TCP11: variants seen among roughly 807,000 people sequenced by gnomAD.
TCP11 encodes the protein t-complex 11, also known as T-complex protein 11 homolog.
In TCP11, 34 loss-of-function variants were observed where a neutral mutation model predicts 45.0. That is an observed-to-expected ratio of 0.76 (90% CI 0.57 to 1.01). The LOEUF is 1.01. Ranked by LOEUF, TCP11 falls within the 50% of genes least tolerant of loss-of-function variation. TCP11 has a pLI of 0.00. For synonymous variants in TCP11, 227 were observed against 227.0 expected (o/e 1.00, Z 0.00); for missense variants, 523 against 598.1 (o/e 0.87, Z 1.31).
intron 4 of TCP11, among the ~76,000 whole-genome samples, chr6:35,125,183 C>CAAAA (rs35594738): frequency 1.4e-5 from 1 of 71,032 alleles, no homozygotes; most frequent in African/African-American, 5.6e-5. Flanking sequence ...GACTCTGTCT[C>CAAAA]AAAAAAAAAA....
In TCP11 at chr6:35,120,055, C is replaced by A; in HGVS notation, c.1115+104G>T. ...AATCTTTGTAGATGGTTCCACAGGG[C>A]CTTTCTGTGGTTTGTGGTAGACAGT... On this transcript the variant is annotated intron_variant, in intron 8 of 9. Transcript: ENST00000311875. This position sits in a 1 kb window ranked among gnomAD's most constrained non-coding sequence, Gnocchi z 4.9. 7.3e-7 allele frequency: 1 copy of A among 1,377,750 alleles called. No individual in the cohort carries two copies. Among genetic ancestry groups the A allele is most frequent in the African/African-American group, 1.4e-5 (1 of 69,124 alleles). 85.3% of individuals were successfully genotyped at this position (1,377,750 alleles called of 1,614,324 possible). A position where few individuals can be genotyped will look rare whatever the true frequency, so the allele number is the denominator to read the frequency against.
At chr6:35,140,272 T>A in intron 2 of TCP11, 1 of 1,411,194 alleles carries the variant, frequency 7.1e-7, no homozygotes, top group Non-Finnish European at 9.6e-7. Context: ...AGACTGGACC[T>A]ACCACGAAGC....
At chr6:35,124,458 T>C (rs1779609766) in intron 4 of TCP11, among the ~76,000 whole-genome samples, 1 of 152,212 alleles carries the variant, frequency 6.6e-6, no homozygotes, top group Admixed American at 6.5e-5. Context: ...AGAAACAACT[T>C]CTTGGGCCTT....
chr6:35,135,439 G>C (rs1581847772), intron 3 of TCP11, among the ~76,000 whole-genome samples: 1 of 152,144 alleles, frequency 6.6e-6, no homozygotes, highest in Middle Eastern at 3.4e-3. Flanking sequence ...ATAAGCCCGA[G>C]GTATACAGTT....
At position 35,120,712 on chromosome 6, in the gene TCP11, G is replaced by T; in HGVS notation, c.716-66C>A. ...TCATCTCTGAGGCTTCAAGACCAAG[G>T]TTCTTTTCAAGTATACTCCTGGTCA... On this transcript the variant is annotated intron_variant, in intron 6 of 9. Transcript: ENST00000311875. The surrounding 1 kb of genome is among the most constrained non-coding windows in gnomAD (Gnocchi z 4.9). 1 of 1,507,370 alleles carries T rather than the reference G, an allele frequency of 6.6e-7. No individual in the cohort carries two copies. The allele number at this position is 1,507,370 out of a possible 1,614,324, so 93.4% of individuals were successfully genotyped here.
intron 4 of TCP11, among the ~76,000 whole-genome samples, chr6:35,126,361 T>C (rs1426280205): frequency 6.6e-6 from 1 of 152,190 alleles, no homozygotes; most frequent in African/African-American, 2.4e-5. Flanking sequence ...CTTCTGTCAG[T>C]ACCAGCATCC....
intron 3 of TCP11, among the ~76,000 whole-genome samples, chr6:35,131,664 C>A (rs1780470465): frequency 6.6e-6 from 1 of 152,202 alleles, no homozygotes; most frequent in Admixed American, 6.5e-5. Context: ...AATGAAATTA[C>A]TAAGTGAAAC....
intron 3 of TCP11, among the ~76,000 whole-genome samples, chr6:35,129,458 C>G (rs925756968): frequency 1.4e-4 from 22 of 152,212 alleles, no homozygotes; most frequent in African/African-American, 5.1e-4. Flanking sequence ...AGAAGTCAGG[C>G]TGACTTTTAG....
In TCP11 at chr6:35,140,319, G is replaced by C; in HGVS notation, c.124+428C>G. 9.6e-6 allele frequency: 9 copies of C among 939,348 alleles called. No homozygotes were observed. In the South Asian group the frequency reaches 1.3e-4, roughly 13 times the overall value. The allele number at this position is 939,348 out of a possible 1,614,324, so 58.2% of individuals were successfully genotyped here. On this transcript the variant is annotated intron_variant, in intron 2 of 9. Coordinates refer to ENST00000311875, the MANE Select transcript of TCP11 (RefSeq NM_001370687.1). ...CTTGTGCCCCAACAAGAACACAAAAGAACACCCACTACAGAACCGAGCTAG... is the reference window on the plus strand; with the variant it reads ...CTTGTGCCCCAACAAGAACACAAAACAACACCCACTACAGAACCGAGCTAG...
Position 35,141,222 on chromosome 6 carries a change from C to T in TCP11, c.-32G>A, listed in dbSNP as rs1196575922. 4 of 1,405,268 alleles carry T rather than the reference C, an allele frequency of 2.8e-6. No homozygotes were observed. Among genetic ancestry groups the T allele is most frequent in the Non-Finnish European group, 3.7e-6 (4 of 1,081,460 alleles). The allele number at this position is 1,405,268 out of a possible 1,614,324, so 87.0% of individuals were successfully genotyped here. ...GCCGTCACCTCCTCCTCCCCCGCCG[C>T]GGGTCATCCACTGGCGTCCGCTCGG... is the stretch of plus-strand genomic sequence containing the variant. On this transcript the variant is annotated 5_prime_UTR_variant, in exon 1 of 10. Coordinates refer to ENST00000311875, the MANE Select transcript of TCP11 (RefSeq NM_001370687.1).
chr6:35,120,404 AG>A lies in TCP11; in HGVS notation c.933+24del, dbSNP rs1331243329. On this transcript the variant is annotated intron_variant, in intron 7 of 9. Transcript: ENST00000311875. The surrounding 1 kb of genome is among the most constrained non-coding windows in gnomAD (Gnocchi z 4.9). ...CGATGGAAGCCCTGAACACAAAACA[AG>A]GCAATGCCCCCAGACATTCCTACCT... 2 of 1,590,268 alleles carry A rather than the reference AG, an allele frequency of 1.3e-6. No individual in the cohort carries two copies. The highest frequency in any genetic ancestry group is 3.5e-5 in the Admixed American group (2 of 56,966).
At chr6:35,139,883 T>C (rs1025304677) in intron 2 of TCP11, 3 of 788,886 alleles carry the variant, frequency 3.8e-6, no homozygotes, top group African/African-American at 3.5e-5. Context: ...GTCAACCTAA[T>C]ACACAAAATT....
At chr6:35,140,332 A>C in intron 2 of TCP11, 1 of 814,964 alleles carries the variant, frequency 1.2e-6, no homozygotes, top group Non-Finnish European at 1.9e-6. Context: ...CACCCACTAC[A>C]GAACCGAGCT....
intron 2 of TCP11, chr6:35,139,924 T>G (rs1411413868): frequency 1.5e-6 from 2 of 1,299,400 alleles, no homozygotes; most frequent in Non-Finnish European, 2.2e-6. Context: ...ATTTGATTAT[T>G]CATTTTACTG....
intron 3 of TCP11, among the ~76,000 whole-genome samples, chr6:35,134,824 C>G (rs924894980): frequency 6.6e-6 from 1 of 151,986 alleles, no homozygotes; most frequent in African/African-American, 2.4e-5. Context: ...TGAGGGTGGG[C>G]AGGATGTAAT....
At chr6:35,124,113 C>T (rs1779579189) in intron 4 of TCP11, among the ~76,000 whole-genome samples, 1 of 152,150 alleles carries the variant, frequency 6.6e-6, no homozygotes. Context: ...ATTTTTGAGG[C>T]AACATGCACC....
Position 35,141,339 on chromosome 6 carries a change from C to T in TCP11, c.-149G>A. ...GGTGAGAAAGGCCGGGGCCTGAGAA[C>T]AAACCGCCGCGGTCGCCGGGGCAAC... On this transcript the variant is annotated 5_prime_UTR_variant, in exon 1 of 10. Transcript: ENST00000311875. 4 of 1,172,872 alleles carry T rather than the reference C, an allele frequency of 3.4e-6. No individual in the cohort carries two copies. Among genetic ancestry groups the T allele is most frequent in the Non-Finnish European group, 4.3e-6 (4 of 929,020 alleles). The allele number at this position is 1,172,872 out of a possible 1,614,324, so 72.7% of individuals were successfully genotyped here.
At chr6:35,122,520 A>G (rs1779394411) in intron 4 of TCP11, among the ~76,000 whole-genome samples, 183 bp from the exon 5 acceptor site, 2 of 152,324 alleles carry the variant, frequency 1.3e-5, no homozygotes, top group African/African-American at 4.8e-5. Flanking sequence ...TTCAAGGATC[A>G]AGGGGATCAA....
intron 5 of TCP11, among the ~76,000 whole-genome samples, chr6:35,121,329 A>G (rs1051076871): frequency 6.6e-6 from 1 of 151,662 alleles, no homozygotes; most frequent in Non-Finnish European, 1.5e-5. Flanking sequence ...AAAGAAATAC[A>G]CCAGCATGCT....
Sources: allele counts gnomAD v4.1 joint callset (sites outside exome capture counted in the v4.1 genomes callset), GRCh38; gene constraint gnomAD v4.1.1; non-coding constraint Gnocchi (gnomAD v3.1); transcripts MANE v1.5; gene names NCBI Gene and HGNC (gene_info 2026-07-23, HGNC 2026-07-21).